Variants in USP14 observed in about 807,000 individuals in gnomAD.
The protein encoded by USP14 is ubiquitin carboxyl-terminal hydrolase 14.
A neutral mutation model predicts 76.5 loss-of-function variants in USP14; 38 were observed. The ratio of observed to expected loss-of-function variants is 0.50; its 90% CI spans 0.38 to 0.65. The LOEUF (loss-of-function observed/expected upper bound fraction) is 0.65, where lower values mean the gene tolerates loss of function less well. Among genes scored for constraint, USP14 ranks in the 30% least tolerant of loss-of-function variants. USP14 has a pLI of 0.00. For synonymous variants in USP14, 192 were observed against 191.7 expected (o/e 1.00, Z -0.01); for missense variants, 467 against 586.5 (o/e 0.80, Z 2.10).
rs901494165 is a variant in USP14 at position 173,259 on chromosome 18, C to T, written c.196-5674C>T. Among the ~76,000 whole-genome samples the T allele has an allele frequency of 9.9e-5, 15 of 151,924 alleles. No individual in the cohort carries two copies. The South Asian group carries it at 1.5e-3, about 15-fold the overall frequency. On this transcript the variant is annotated intron_variant, in intron 3 of 15. Transcript: ENST00000261601. ...AGTAGCTGGGACTACAGGTGCCTGC[C>T]ACCACACCCGGCTATTTTTTTTGTA...
At position 214,580 on chromosome 18, in the gene USP14, G is replaced by A; in HGVS notation, c.*3296G>A. On this transcript the variant is annotated 3_prime_UTR_variant, in exon 16 of 16. Coordinates refer to ENST00000261601, the MANE Select transcript of USP14 (RefSeq NM_005151.4). ...TGGACCTCTTATCAAATGCTGCTTGGTAACAAAATCTATCACAGTTTTAAT... is the reference window on the plus strand; with the variant it reads ...TGGACCTCTTATCAAATGCTGCTTGATAACAAAATCTATCACAGTTTTAAT... 2.0e-6 allele frequency: 3 copies of A among 1,499,824 alleles called. No homozygotes were observed. The highest frequency in any genetic ancestry group is 1.8e-6 in the Non-Finnish European group (2 of 1,102,370). 92.9% of individuals were successfully genotyped at this position (1,499,824 alleles called of 1,614,324 possible).
At chr18:198,614 C>G (rs568323125) in intron 9 of USP14, among the ~76,000 whole-genome samples, 2 of 152,140 alleles carry the variant, frequency 1.3e-5, no homozygotes, top group East Asian at 3.9e-4. Flanking sequence ...TGGGATTATT[C>G]ATTATGTTTT....
chr18:171,053 TATAA>T (rs1250548947), intron 3 of USP14, among the ~76,000 whole-genome samples: 17 of 136,758 alleles, frequency 1.2e-4, no homozygotes, highest in African/African-American at 4.7e-4. Flanking sequence ...TATATATATA[TATAA>T]ACTGAAGCTA....
At chr18:187,618 C>T (rs1909965782) in intron 5 of USP14, among the ~76,000 whole-genome samples, 2 of 151,978 alleles carry the variant, frequency 1.3e-5, no homozygotes, top group Non-Finnish European at 2.9e-5. Flanking sequence ...ATTTTTTTCA[C>T]GTGTTTTATT....
At chr18:187,850 A>G (rs1909974966) in intron 5 of USP14, among the ~76,000 whole-genome samples, 1 of 152,194 alleles carries the variant, frequency 6.6e-6, no homozygotes, top group South Asian at 2.1e-4. Flanking sequence ...ACATTTATTT[A>G]CCCTGAAAAC....
chr18:189,141 T>C (rs1325473320), intron 5 of USP14, among the ~76,000 whole-genome samples: 4 of 152,118 alleles, frequency 2.6e-5, no homozygotes, highest in Admixed American at 2.0e-4. Context: ...ATTTGTTATA[T>C]TTGTGTTTTC....
intron 8 of USP14, 134 bp from the exon 9 acceptor site, chr18:197,913 G>T: frequency 2.5e-6 from 2 of 801,082 alleles, no homozygotes; most frequent in Non-Finnish European, 3.8e-6. Context: ...TTGATTTTTG[G>T]TAATGTTTTT....
chr18:186,086 T>C (rs949866651), intron 5 of USP14, among the ~76,000 whole-genome samples: 1 of 152,190 alleles, frequency 6.6e-6, no homozygotes, highest in African/African-American at 2.4e-5. Context: ...ATATTTGATA[T>C]TCACTTTTTC....
intron 6 of USP14, 86 bp from the exon 7 acceptor site, chr18:196,551 T>G: frequency 6.9e-7 from 1 of 1,451,118 alleles, no homozygotes; most frequent in Non-Finnish European, 9.2e-7. Context: ...AGTAAGTTTT[T>G]GTTTGTATTA....
rs764917497 is a variant in USP14 at position 211,242 on chromosome 18, G to A, written c.1443G>A (p.Gly481=). The change falls in exon 16 of 16, where the codon GGG becomes GGA. Residue 481 remains glycine, a synonymous_variant. Transcript: ENST00000261601. The stretch of plus-strand genomic sequence containing the variant: ...ATATCGCTTACGTTCTACTCTATGG[G>A]CCTCGCAGAGTTGAAATAATGGAAG... ...DWHIAYVLLY[G]PRRVEIMEEE... 7 of 1,612,886 alleles carry A rather than the reference G, an allele frequency of 4.3e-6. No individual in the cohort carries two copies. The Admixed American group carries it at 5.0e-5, about 12-fold the overall frequency.
Position 158,638 on chromosome 18 carries a change from C to A in USP14, c.-61C>A. 6.7e-7 allele frequency: 1 copy of A among 1,503,396 alleles called. No homozygotes were observed. The highest frequency in any genetic ancestry group is 8.9e-7 in the Non-Finnish European group (1 of 1,128,104). The allele number at this position is 1,503,396 out of a possible 1,614,324, so 93.1% of individuals were successfully genotyped here. A position where few individuals can be genotyped will look rare whatever the true frequency, so the allele number is the denominator to read the frequency against. On this transcript the variant is annotated 5_prime_UTR_variant, in exon 1 of 16. Transcript: ENST00000261601. ...CGCCGCAGCTGCTCCTGGTCCCCGTCCCTTTGCCGCCCTCGTCAGGCCCAG... is the reference window on the plus strand; with the variant it reads ...CGCCGCAGCTGCTCCTGGTCCCCGTACCTTTGCCGCCCTCGTCAGGCCCAG...
intron 13 of USP14, among the ~76,000 whole-genome samples, chr18:206,889 C>G (rs979774099): frequency 3.9e-5 from 6 of 152,104 alleles, no homozygotes. Context: ...CAACATTGCC[C>G]AGTCCATGCC....
intron 3 of USP14, among the ~76,000 whole-genome samples, chr18:167,982 G>A (rs1463805448): frequency 1.5e-5 from 2 of 136,460 alleles, no homozygotes; most frequent in African/African-American, 5.6e-5. Flanking sequence ...TTATTGCCCA[G>A]GCTAGAGTGC....
At chr18:161,111 A>G (rs1485881049) in intron 1 of USP14, among the ~76,000 whole-genome samples, 1 of 152,094 alleles carries the variant, frequency 6.6e-6, no homozygotes, top group African/African-American at 2.4e-5. Context: ...TATTTTTAGT[A>G]GAAACGAGGT....
At chr18:171,358 T>G (rs189076051) in intron 3 of USP14, among the ~76,000 whole-genome samples, 2 of 152,098 alleles carry the variant, frequency 1.3e-5, no homozygotes, top group African/African-American at 4.8e-5. Context: ...CTAATGACTT[T>G]AAGTTGAAAC....
intron 5 of USP14, 81 bp downstream of exon 5, chr18:180,420 T>G: frequency 1.3e-6 from 1 of 782,052 alleles, no homozygotes; most frequent in Non-Finnish European, 2.1e-6. Flanking sequence ...CTTTAGCATC[T>G]TAATTGAGAT....
At chr18:193,046 G>T in intron 6 of USP14, 146 bp downstream of exon 6, 1 of 483,798 alleles carries the variant, frequency 2.1e-6, no homozygotes, top group South Asian at 5.1e-5. Flanking sequence ...AAACAACTTG[G>T]TACTTATTTT....
chr18:179,040 A>G lies in USP14; in HGVS notation c.300+3A>G. ...CAGAAGAACAGTTAGCATCTGCTGTAAGACACACCAGATTTTATGTGTTTG... is the reference window on the plus strand; with the variant it reads ...CAGAAGAACAGTTAGCATCTGCTGTGAGACACACCAGATTTTATGTGTTTG... On this transcript the variant is annotated splice_donor_region_variant and intron_variant, in intron 4 of 15. Coordinates refer to ENST00000261601, the MANE Select transcript of USP14 (RefSeq NM_005151.4). 2 of 1,587,374 alleles carry G rather than the reference A, an allele frequency of 1.3e-6. No homozygotes were observed. Among genetic ancestry groups the G allele is most frequent in the Non-Finnish European group, 1.7e-6 (2 of 1,168,480 alleles).
chr18:195,763 C>A (rs910795763), intron 6 of USP14, among the ~76,000 whole-genome samples: 3 of 152,146 alleles, frequency 2.0e-5, no homozygotes, highest in African/African-American at 7.2e-5. Flanking sequence ...AGGTGACCCG[C>A]TATCCTGATC....
Sources: gnomAD v4.1 joint callset for allele counts (sites outside exome capture counted in the v4.1 genomes callset) on GRCh38, gnomAD v4.1.1 for gene constraint, MANE v1.5 for transcripts, NCBI Gene and HGNC (gene_info 2026-07-23, HGNC 2026-07-21) for gene names.